Variants in GBF1 observed in about 807,000 individuals in gnomAD.
The protein encoded by GBF1 is golgi brefeldin A resistant guanine nucleotide exchange factor 1.
In GBF1, 114 loss-of-function variants were observed where a neutral mutation model predicts 210.5. That is an observed-to-expected ratio of 0.54 (90% CI 0.47 to 0.63). The LOEUF is 0.63. Among genes scored for constraint, GBF1 ranks in the 30% least tolerant of loss-of-function variants. The pLI, the probability that GBF1 is intolerant of heterozygous loss-of-function variation, is 0.00. For missense variants in GBF1, 1,851 were observed against 2,357.7 expected (o/e 0.79, Z 4.45); for synonymous variants, 850 against 889.2 (o/e 0.96, Z 0.78).
intron 22 of GBF1, 30 bp downstream of exon 22, chr10:102,368,484 T>C: frequency 8.6e-7 from 1 of 1,169,488 alleles, no homozygotes; most frequent in Non-Finnish European, 1.3e-6. Context: ...GGTCTTCACC[T>C]CCCACTAGCT....
chr10:102,372,032 G>A (rs183541455), intron 29 of GBF1, among the ~76,000 whole-genome samples: 4 of 151,316 alleles, frequency 2.6e-5, no homozygotes, highest in Non-Finnish European at 4.4e-5. Flanking sequence ...CCTGACTAAC[G>A]TGGTGAAACC....
At chr10:102,235,183 C>CCT in the GBF1 span, among the ~76,000 whole-genome samples, 1 of 129,242 alleles carries the variant, frequency 7.7e-6, no homozygotes, top group Admixed American at 7.3e-5. Flanking sequence ...CCCCCCACCC[C>CCT]CCCACCGCCT....
intron 3 of GBF1, among the ~76,000 whole-genome samples, chr10:102,266,880 T>C (rs1047814642): frequency 6.6e-6 from 1 of 152,216 alleles, no homozygotes; most frequent in Non-Finnish European, 1.5e-5. Context: ...GTCAGGAGTT[T>C]ATTTAAGTAT....
intron 3 of GBF1, among the ~76,000 whole-genome samples, chr10:102,265,621 G>A (rs2073779223): frequency 6.6e-6 from 1 of 152,102 alleles, no homozygotes; most frequent in Non-Finnish European, 1.5e-5. Flanking sequence ...GGAGTTCGAG[G>A]TTACAGTGAC....
chr10:102,304,618 C>CA (rs898581757), intron 3 of GBF1, among the ~76,000 whole-genome samples: 4 of 150,822 alleles, frequency 2.7e-5, no homozygotes, highest in African/African-American at 7.3e-5. Context: ...ACTAAAAATA[C>CA]AAAAAAATTA....
In GBF1 at chr10:102,358,688, G is replaced by C. The variant is rs907205958; in HGVS notation, c.970G>C (p.Gly324Arg). Residue 324 changes from glycine (G) to arginine (R), a missense_variant, in exon 10 of 40, where the codon GGA (glycine) becomes CGA (arginine). By Grantham distance (125) the Gly-to-Arg change is moderately radical (BLOSUM62 -2). Transcript: ENST00000369983. ...AGGGTACAGCACAGCTACAGAGCCT[G>C]GAAGCAGTGAGCTAGGTGTTCCCGA... ...SPGYSTATEPGSSELGVPEQP... is the reference protein window; with the variant it reads ...SPGYSTATEPRSSELGVPEQP... 2 of 1,613,886 alleles carry C rather than the reference G, an allele frequency of 1.2e-6. No individual in the cohort carries two copies. Among genetic ancestry groups the C allele is most frequent in the Non-Finnish European group, 1.7e-6 (2 of 1,179,890 alleles).
At chr10:102,269,722 T>C (rs1317760675) in intron 3 of GBF1, among the ~76,000 whole-genome samples, 1 of 152,060 alleles carries the variant, frequency 6.6e-6, no homozygotes, top group African/African-American at 2.4e-5. Context: ...TCCAAATGAG[T>C]TTTTGCATTT....
At chr10:102,242,164 C>T (rs2070553558), upstream of GBF1, among the ~76,000 whole-genome samples, 1 of 152,184 alleles carries the variant, frequency 6.6e-6, no homozygotes, top group African/African-American at 2.4e-5. Flanking sequence ...TTCATTTCCC[C>T]CTTCTTCTCC....
At chr10:102,231,254 G>A in the GBF1 span, among the ~76,000 whole-genome samples, 1 of 152,192 alleles carries the variant, frequency 6.6e-6, no homozygotes, top group African/African-American at 2.4e-5. Flanking sequence ...AGCGCACGGA[G>A]TCCGGGGTCG....
rs1304588837 is a variant in GBF1, at chr10:102,368,303, A to G, written c.2728A>G (p.Thr910Ala). ...VWNVLLHRGA[T>A]PEGIFLRVPT... ...GAATGTGCTGCTTCATCGAGGTGCC[A>G]CCCCTGAGGGCATATTCCTGCGTGT... is the stretch of plus-strand genomic sequence containing the variant. The change falls in exon 22 of 40, where the codon ACC becomes GCC. Residue 910 changes from threonine (T) to alanine (A), a missense_variant. This residue lies in a region of GBF1 where 967 missense variants were observed against 1,247.7 expected (regional missense o/e 0.78). Coordinates refer to ENST00000369983, the MANE Select transcript of GBF1 (RefSeq NM_001377137.1). 1 of 1,613,956 alleles carries G rather than the reference A, an allele frequency of 6.2e-7. No homozygotes were observed. The highest frequency in any genetic ancestry group is 2.2e-5 in the East Asian group (1 of 44,890).
At chr10:102,322,112 G>A (rs767060585) in intron 3 of GBF1, among the ~76,000 whole-genome samples, 1 of 152,156 alleles carries the variant, frequency 6.6e-6, no homozygotes, top group Non-Finnish European at 1.5e-5. Context: ...CACCCACCTC[G>A]GCTTCCCACA....
At chr10:102,249,692 C>CTT (rs200423046) in intron 1 of GBF1, among the ~76,000 whole-genome samples, 9 of 142,160 alleles carry the variant, frequency 6.3e-5, no homozygotes, top group East Asian at 2.0e-4. Context: ...GTTTCTCTGG[C>CTT]TTTTTTTTTT....
chr10:102,354,387 C>T (rs1173640709), intron 8 of GBF1, among the ~76,000 whole-genome samples: 1 of 152,218 alleles, frequency 6.6e-6, no homozygotes, highest in Non-Finnish European at 1.5e-5. Context: ...CATGTCTCCT[C>T]AACAAACTGG....
At chr10:102,286,953 G>A (rs1451788050) in intron 3 of GBF1, among the ~76,000 whole-genome samples, 3 of 152,160 alleles carry the variant, frequency 2.0e-5, no homozygotes, top group Non-Finnish European at 2.9e-5. Flanking sequence ...ACTGGGAGGG[G>A]ACTGTGTTGG....
chr10:102,248,256 G>A (rs2071076173), intron 1 of GBF1, among the ~76,000 whole-genome samples: 1 of 151,814 alleles, frequency 6.6e-6, no homozygotes, highest in Admixed American at 6.6e-5. Context: ...TAAATATAAT[G>A]AGCTGCTGTT....
chr10:102,345,906 C>G (rs181748761), intron 4 of GBF1, among the ~76,000 whole-genome samples: 1 of 151,596 alleles, frequency 6.6e-6, no homozygotes, highest in Admixed American at 6.6e-5. Context: ...CCAATAACTC[C>G]CCATTTCTCT....
At chr10:102,344,005 T>C (rs756045104) in intron 3 of GBF1, 46 bp from the exon 4 acceptor site, 2 of 1,578,086 alleles carry the variant, frequency 1.3e-6, no homozygotes, top group African/African-American at 2.7e-5. Flanking sequence ...CAGGGTTTAG[T>C]TTTCTCTTAG....
intron 3 of GBF1, among the ~76,000 whole-genome samples, chr10:102,288,603 C>T (rs1187619279): frequency 6.6e-6 from 1 of 151,304 alleles, no homozygotes; most frequent in Non-Finnish European, 1.5e-5. Context: ...CCCAGCTACT[C>T]GAGAGGCTGA....
At chr10:102,288,355 T>C (rs1384735373) in intron 3 of GBF1, among the ~76,000 whole-genome samples, 1 of 152,212 alleles carries the variant, frequency 6.6e-6, no homozygotes, top group African/African-American at 2.4e-5. Context: ...TATGAGCTCT[T>C]TTTGGATTCT....
Sources: gnomAD v4.1 joint callset for allele counts (sites outside exome capture counted in the v4.1 genomes callset) on GRCh38, gnomAD v4.1.1 for gene constraint, gnomAD v4.1.1 regional missense constraint, MANE v1.5 for transcripts, NCBI Gene and HGNC (gene_info 2026-07-23, HGNC 2026-07-21) for gene names.